Variants in RNF150 observed in about 807,000 individuals in gnomAD.
RNF150 encodes the protein ring finger protein 150.
In RNF150, 24 loss-of-function variants were observed where a neutral mutation model predicts 39.3. The ratio of observed to expected loss-of-function variants is 0.61; its 90% CI spans 0.44 to 0.86. The LOEUF is 0.86. RNF150 is among the 40% of genes least tolerant of loss of function. The pLI, the probability that RNF150 is intolerant of heterozygous loss-of-function variation, is 0.00. For missense variants in RNF150, 502 were observed against 587.8 expected, an observed-to-expected ratio of 0.85 and a Z score of 1.51; for synonymous variants, 255 against 227.3, an observed-to-expected ratio of 1.12 and a Z score of -1.10.
intron 1 of RNF150, among the ~76,000 whole-genome samples, chr4:141,039,613 CTG>C (rs1307777600): frequency 6.6e-6 from 1 of 152,144 alleles, no homozygotes; most frequent in Non-Finnish European, 1.5e-5. Flanking sequence ...ACATCCCTAA[CTG>C]AGACAGGCAG....
chr4:140,969,424 C>T (rs962179431), intron 1 of RNF150, among the ~76,000 whole-genome samples: 3 of 151,972 alleles, frequency 2.0e-5, no homozygotes, highest in Non-Finnish European at 2.9e-5. Context: ...GCAATTTTGA[C>T]GCGCCTTTTC....
chr4:141,142,573 G>A (rs1438329348), intron 1 of RNF150, among the ~76,000 whole-genome samples: 1 of 152,156 alleles, frequency 6.6e-6, no homozygotes, highest in Non-Finnish European at 1.5e-5. Context: ...AGTATATTCT[G>A]GCTTCTGCCC....
intron 1 of RNF150, among the ~76,000 whole-genome samples, chr4:141,051,245 G>C (rs949296913): frequency 1.3e-5 from 2 of 152,240 alleles, no homozygotes; most frequent in South Asian, 4.2e-4. Context: ...CTGGGCCTCT[G>C]GGCCTGTGAT....
intron 6 of RNF150, among the ~76,000 whole-genome samples, chr4:140,896,458 A>G (rs1729944983): frequency 1.9e-5 from 1 of 53,206 alleles, no homozygotes; most frequent in African/African-American, 7.1e-5. Flanking sequence ...AACACCGCAT[A>G]TTCTCACTCA....
chr4:141,188,221 G>T (rs961951294), intron 1 of RNF150, among the ~76,000 whole-genome samples: 1 of 152,156 alleles, frequency 6.6e-6, no homozygotes, highest in Admixed American at 6.5e-5. Context: ...GATCTGCTGT[G>T]AGTCTGATGG....
At chr4:141,190,097 T>G (rs1728079643) in intron 1 of RNF150, among the ~76,000 whole-genome samples, 3 of 152,136 alleles carry the variant, frequency 2.0e-5, no homozygotes, top group Non-Finnish European at 4.4e-5. Context: ...CACTGGCCCC[T>G]TGCACTTCCT....
intron 6 of RNF150, among the ~76,000 whole-genome samples, chr4:140,897,031 G>C (rs2874600): frequency 0.38 from 57,835 of 151,924 alleles, 11,598 homozygotes; most frequent in East Asian, 0.48. Flanking sequence ...TTGGACCAGG[G>C]CTGTAAGGAT....
upstream of RNF150, among the ~76,000 whole-genome samples, chr4:141,137,223 AGAG>A (rs1481018274): frequency 2.0e-5 from 3 of 152,186 alleles, no homozygotes; most frequent in African/African-American, 4.8e-5. Flanking sequence ...ATTCTGAGTG[AGAG>A]GAGAAAACTT....
At chr4:141,181,785 G>C (rs778243400) in intron 1 of RNF150, among the ~76,000 whole-genome samples, 1 of 152,172 alleles carries the variant, frequency 6.6e-6, no homozygotes, top group Non-Finnish European at 1.5e-5. Context: ...GTGCTGCATG[G>C]TAATTGGGCA....
intron 1 of RNF150, among the ~76,000 whole-genome samples, chr4:141,073,520 C>T (rs889329907): frequency 1.2e-4 from 19 of 152,020 alleles, no homozygotes; most frequent in African/African-American, 1.4e-4. Context: ...GTAACACAGG[C>T]GAAGAGGACT....
chr4:141,005,790 C>T (rs1463087272), intron 1 of RNF150, among the ~76,000 whole-genome samples: 2 of 129,958 alleles, frequency 1.5e-5, no homozygotes, highest in Non-Finnish European at 3.5e-5. Flanking sequence ...TTAAAAGGGC[C>T]GGGCGCGGTG....
chr4:141,067,646 T>A (rs570884847), intron 1 of RNF150, among the ~76,000 whole-genome samples: 1 of 152,178 alleles, frequency 6.6e-6, no homozygotes, highest in Non-Finnish European at 1.5e-5. Flanking sequence ...TACATTGGTT[T>A]TCTCGACCAA....
Position 141,133,159 on chromosome 4 carries a change from C to T in RNF150, c.-351G>A, listed in dbSNP as rs980027952. The T allele has an allele frequency of 3.8e-6, 1 of 261,340 alleles. No homozygotes were observed. Among genetic ancestry groups the T allele is most frequent in the Non-Finnish European group, 7.3e-6 (1 of 137,430 alleles). The allele number at this position is 261,340 out of a possible 1,614,324, so 16.2% of individuals were successfully genotyped here. On this transcript the variant is annotated 5_prime_UTR_variant, in exon 1 of 7. It adds an upstream start codon to the 5' untranslated region. Transcript: ENST00000515673. Reference sequence around the variant, plus strand: ...TCTCATAAGGGTGGCCGGGGGCCCACGAACTTGCAGGGTGGCGGCCCTGCG... The same window carrying T: ...TCTCATAAGGGTGGCCGGGGGCCCATGAACTTGCAGGGTGGCGGCCCTGCG...
intron 5 of RNF150, among the ~76,000 whole-genome samples, chr4:140,914,572 G>C (rs1272555910): frequency 6.6e-6 from 1 of 152,190 alleles, no homozygotes; most frequent in Non-Finnish European, 1.5e-5. Flanking sequence ...AGTGATAGGA[G>C]GTGGTTGCTG....
At chr4:141,134,069 T>C (rs956058316), upstream of RNF150, among the ~76,000 whole-genome samples, 2 of 152,222 alleles carry the variant, frequency 1.3e-5, no homozygotes, top group African/African-American at 4.8e-5. Flanking sequence ...CGTTTTCTTA[T>C]AGAATAGGTG....
At chr4:141,065,270 C>G (rs996679079) in intron 1 of RNF150, among the ~76,000 whole-genome samples, 7 of 152,116 alleles carry the variant, frequency 4.6e-5, no homozygotes, top group African/African-American at 1.7e-4. Context: ...GGGTTACTAT[C>G]TAAGATTTGG....
At chr4:140,972,359 G>A (rs1413929752) in intron 1 of RNF150, among the ~76,000 whole-genome samples, 2 of 152,042 alleles carry the variant, frequency 1.3e-5, no homozygotes, top group African/African-American at 4.8e-5. Flanking sequence ...CTCACAAACA[G>A]AATCCAATAA....
Position 141,000,050 on chromosome 4 carries a change from GAA to G in RNF150, c.485-32179_485-32178del, listed in dbSNP as rs1560679267. ...AGAAGAAGAAGAAGAAGAAGAAGAA[GAA>G]GAAGAAGAAGAAGAAGAAGAAGAAG... On this transcript the variant is annotated intron_variant, in intron 1 of 6. Transcript: ENST00000515673. Among the ~76,000 whole-genome samples, 123 of 94,590 alleles carry G rather than the reference GAA, an allele frequency of 1.3e-3. 15 individuals are homozygous for G. Among genetic ancestry groups the G allele is most frequent in the Middle Eastern group, 9.0e-3 (2 of 222 alleles). The allele number at this position is 94,590 out of a possible 152,430, so 62.1% of individuals were successfully genotyped here.
At chr4:141,012,650 G>C (rs929511391) in intron 1 of RNF150, among the ~76,000 whole-genome samples, 18 of 151,826 alleles carry the variant, frequency 1.2e-4, no homozygotes, top group African/African-American at 4.1e-4. Flanking sequence ...GGGAGTGGTG[G>C]CACGTGCCTG....
Sources: gnomAD v4.1 joint callset for allele counts (sites outside exome capture counted in the v4.1 genomes callset) on GRCh38, gnomAD v4.1.1 for gene constraint, MANE v1.5 for transcripts, NCBI Gene and HGNC (gene_info 2026-07-23, HGNC 2026-07-21) for gene names.